The following PLPP3 variants were observed in gnomAD, a reference collection of about 807,000 sequenced individuals.
PLPP3 encodes PAP2 beta.
In PLPP3, 6 loss-of-function variants were observed where a neutral mutation model predicts 29.6. That is an observed-to-expected ratio of 0.20 (90% CI 0.11 to 0.40). The LOEUF (loss-of-function observed/expected upper bound fraction) is 0.40. PLPP3 is among the 10% of genes least tolerant of loss of function. PLPP3 has a pLI of 1.00. For synonymous variants in PLPP3, 152 were observed against 159.7 expected, an observed-to-expected ratio of 0.95 and a Z score of 0.36; for missense variants, 308 against 407.7, an observed-to-expected ratio of 0.76 and a Z score of 2.11.
intron 1 of PLPP3, 54 bp from the exon 2 acceptor site, chr1:56,537,166 G>C: frequency 6.4e-7 from 1 of 1,564,556 alleles, no homozygotes; most frequent in Non-Finnish European, 8.7e-7. Flanking sequence ...AAAAAGGAAG[G>C]GGAAAACATC....
At position 56,578,368 on chromosome 1, in the gene PLPP3, C is replaced by T. The variant is rs559482725; in HGVS notation, c.139+510G>A. 1.4e-3 allele frequency among the ~76,000 whole-genome samples: 219 copies of T among 152,246 alleles called. 2 individuals carry two copies. Among genetic ancestry groups the T allele is most frequent in the South Asian group, 5.2e-3 (25 of 4,824 alleles). ...ACAGGAGAGGAGCAAGTGAAAAGGC[C>T]GGCTAGCCAGTCTGGCGAGCCTGGG... On this transcript the variant is annotated intron_variant, in intron 1 of 5. Coordinates refer to ENST00000371250, the MANE Select transcript of PLPP3 (RefSeq NM_003713.5).
intron 2 of PLPP3, among the ~76,000 whole-genome samples, chr1:56,531,065 A>G (rs1179417055): frequency 6.6e-6 from 1 of 152,208 alleles, no homozygotes; most frequent in African/African-American, 2.4e-5. Context: ...CTAAAAATGA[A>G]GATGATGACA....
At chr1:56,540,836 G>A (rs1009746041) in intron 1 of PLPP3, among the ~76,000 whole-genome samples, 1 of 152,148 alleles carries the variant, frequency 6.6e-6, no homozygotes, top group Admixed American at 6.5e-5. Flanking sequence ...CAACTAGGCA[G>A]AGATATAACA....
intron 1 of PLPP3, among the ~76,000 whole-genome samples, chr1:56,562,278 A>G (rs976214282): frequency 2.0e-5 from 3 of 152,088 alleles, no homozygotes; most frequent in African/African-American, 7.2e-5. Flanking sequence ...TCTGTAGTCA[A>G]CAAGGGGTCA....
chr1:56,520,892 C>G (rs1289691475), intron 4 of PLPP3, among the ~76,000 whole-genome samples: 1 of 109,188 alleles, frequency 9.2e-6, no homozygotes, highest in Non-Finnish European at 1.7e-5. Context: ...GCCTGTGCAA[C>G]AGAGCGAGAC....
intron 1 of PLPP3, among the ~76,000 whole-genome samples, chr1:56,561,081 T>C (rs1646124281): frequency 6.6e-6 from 1 of 150,826 alleles, no homozygotes; most frequent in Non-Finnish European, 1.5e-5. Flanking sequence ...TCTCCTGACC[T>C]TGTGATCCGC....
chr1:56,536,529 C>G (rs759406638), intron 2 of PLPP3, among the ~76,000 whole-genome samples: 41 of 152,092 alleles, frequency 2.7e-4, no homozygotes, highest in Admixed American at 1.3e-4. Context: ...GTGGGCAAGT[C>G]AAAAGAAAAC....
At chr1:56,563,599 G>C (rs889373895) in intron 1 of PLPP3, among the ~76,000 whole-genome samples, 7 of 152,134 alleles carry the variant, frequency 4.6e-5, no homozygotes, top group African/African-American at 1.7e-4. Context: ...TGGATAGATG[G>C]CCCAAGTGAC....
intron 1 of PLPP3, among the ~76,000 whole-genome samples, chr1:56,576,190 A>T (rs1646234337): frequency 6.6e-6 from 1 of 152,164 alleles, no homozygotes. Flanking sequence ...ATAGCACATC[A>T]GCTTTTATTT....
rs1172831045 is a variant in PLPP3 at position 56,567,393 on chromosome 1, CTTTTTTTTTTTT to C, written c.139+11473_139+11484del. Reference sequence around the variant, plus strand: ...TGTCTGCATTAATCTTAAGGTATTTCTTTTTTTTTTTTTTTTTTTTTTGAGATGGAGTCTCGC... The same window carrying C: ...TGTCTGCATTAATCTTAAGGTATTTCTTTTTTTTTTGAGATGGAGTCTCGC... On this transcript the variant is annotated intron_variant, in intron 1 of 5. Transcript: ENST00000371250. Among the ~76,000 whole-genome samples, 5 of 117,010 alleles carry C rather than the reference CTTTTTTTTTTTT, an allele frequency of 4.3e-5. No individual in the cohort carries two copies. In the Admixed American group the frequency reaches 4.5e-4, roughly 10 times the overall value. 76.8% of individuals were successfully genotyped at this position (117,010 alleles called of 152,430 possible).
At chr1:56,576,121 T>C (rs1441910325) in intron 1 of PLPP3, among the ~76,000 whole-genome samples, 2 of 152,156 alleles carry the variant, frequency 1.3e-5, no homozygotes, top group African/African-American at 2.4e-5. Flanking sequence ...TTTAACGTTC[T>C]AAAAAGGTAT....
intron 2 of PLPP3, among the ~76,000 whole-genome samples, chr1:56,533,094 G>A (rs191504448): frequency 4.1e-4 from 62 of 149,746 alleles, no homozygotes; most frequent in Middle Eastern, 3.4e-3. Context: ...TCATCCTGTC[G>A]CCCAGGCTGG....
chr1:56,534,098 T>A (rs1645908302), intron 2 of PLPP3, among the ~76,000 whole-genome samples: 1 of 152,190 alleles, frequency 6.6e-6, no homozygotes, highest in African/African-American at 2.4e-5. Context: ...CTGCCCATTT[T>A]AAATCTTTGC....
intron 4 of PLPP3, among the ~76,000 whole-genome samples, chr1:56,519,744 TTG>T (rs746709644): frequency 9.9e-4 from 138 of 139,686 alleles, no homozygotes; most frequent in Non-Finnish European, 1.9e-3. Flanking sequence ...TGCTGTGGGT[TTG>T]TTTTTTTTTT....
intron 1 of PLPP3, among the ~76,000 whole-genome samples, chr1:56,537,784 A>C (rs1049851782): frequency 1.3e-5 from 2 of 152,210 alleles, no homozygotes; most frequent in African/African-American, 4.8e-5. Flanking sequence ...ACTACCAATA[A>C]GAGTGAGCAG....
At chr1:56,511,597 T>G (rs1014919219) in intron 5 of PLPP3, among the ~76,000 whole-genome samples, 1 of 152,088 alleles carries the variant, frequency 6.6e-6, no homozygotes, top group South Asian at 2.1e-4. Flanking sequence ...GTCAACAGAC[T>G]TAGCATGACA....
At chr1:56,555,000 T>C (rs1468107467) in intron 1 of PLPP3, among the ~76,000 whole-genome samples, 1 of 152,174 alleles carries the variant, frequency 6.6e-6, no homozygotes, top group South Asian at 2.1e-4. Flanking sequence ...AGCACAGACT[T>C]AGGAGCAATG....
chr1:56,551,493 G>A (rs1034720176), intron 1 of PLPP3, among the ~76,000 whole-genome samples: 5 of 152,118 alleles, frequency 3.3e-5, no homozygotes, highest in East Asian at 1.9e-4. Flanking sequence ...AAGAGATGGC[G>A]TGGTAAGCAG....
intron 1 of PLPP3, among the ~76,000 whole-genome samples, chr1:56,570,618 A>G (rs889851680): frequency 1.3e-5 from 2 of 152,236 alleles, no homozygotes; most frequent in African/African-American, 4.8e-5. Context: ...CAAGAACCTG[A>G]CCTAGCCTTC....
Sources: allele counts gnomAD v4.1 joint callset (sites outside exome capture counted in the v4.1 genomes callset), GRCh38; gene constraint gnomAD v4.1.1; transcripts MANE v1.5; gene names NCBI Gene and HGNC (gene_info 2026-07-23, HGNC 2026-07-21).